MPDZ: variants seen among roughly 807,000 people sequenced by gnomAD.
MPDZ encodes the protein multiple PDZ domain crumbs cell polarity complex component, also known as multiple PDZ domain protein.
Under a neutral mutation model 239.1 loss-of-function variants are expected in MPDZ, and 234 were observed. That is an observed-to-expected ratio of 0.98 (90% CI 0.88 to 1.09). MPDZ has a LOEUF of 1.09. MPDZ is among the 50% of genes least tolerant of loss of function. The probability of loss-of-function intolerance (pLI) is 0.00; values close to 1 mark genes in which losing one functional copy is unlikely to be tolerated. For synonymous variants in MPDZ, 1,048 were observed against 881.3 expected, an observed-to-expected ratio of 1.19 and a Z score of -3.35; for missense variants, 3,175 against 2,510.0, an observed-to-expected ratio of 1.26 and a Z score of -5.66.
chr9:13,222,867 CCCCAACTGGGGATCACATCCATAGATT>C (rs1389016763), intron 5 of MPDZ, among the ~76,000 whole-genome samples: 7 of 147,970 alleles, frequency 4.7e-5, no homozygotes, highest in Non-Finnish European at 1.0e-4. Context: ...TAGATTAGAT[CCCCAACTGGGGATCACATCCATAGATT>C]AGATCCCCAA....
intron 1 of MPDZ, among the ~76,000 whole-genome samples, chr9:13,252,201 A>G (rs1253617473): frequency 1.3e-5 from 2 of 152,164 alleles, no homozygotes; most frequent in Non-Finnish European, 2.9e-5. Context: ...TACAAGGAGA[A>G]TATGATACTC....
intron 44 of MPDZ, among the ~76,000 whole-genome samples, 178 bp downstream of exon 44, chr9:13,110,458 T>C (rs1351119117): frequency 3.3e-5 from 5 of 152,196 alleles, no homozygotes; most frequent in Non-Finnish European, 7.3e-5. Context: ...GAGTAAAATG[T>C]TACAAAATAT....
chr9:13,203,555 G>C (rs1028836481), intron 12 of MPDZ, among the ~76,000 whole-genome samples: 2 of 152,058 alleles, frequency 1.3e-5, no homozygotes, highest in Non-Finnish European at 2.9e-5. Context: ...ACTTGTCCAG[G>C]CTTGCACGAT....
Position 13,176,294 on chromosome 9 carries a change from G to A in MPDZ, c.2773C>T (p.Pro925Ser). The A allele has an allele frequency of 6.2e-7, 1 of 1,610,358 alleles. No homozygotes were observed. The highest frequency in any genetic ancestry group is 8.5e-7 in the Non-Finnish European group (1 of 1,178,144). ...TCATTTATAGTAAAGCCAGAAGCAG[G>A]CCCCATACTTATGTCCACCGAAGGT... is the stretch of plus-strand genomic sequence containing the variant. Reference protein sequence around the residue: ...NTPSVDISMGPASGFTINDYT... With the variant: ...NTPSVDISMGSASGFTINDYT... The change falls in exon 20 of 47, where the codon CCT (proline) becomes TCT (serine). Residue 925 changes from proline (P) to serine (S), a missense_variant. Pro to Ser is a moderately conservative substitution (Grantham distance 74, BLOSUM62 -1). Coordinates refer to ENST00000319217, the MANE Select transcript of MPDZ (RefSeq NM_001378778.1).
At chr9:13,279,090 C>G (rs1317130427) in intron 1 of MPDZ, 3 of 152,096 alleles carry the variant, frequency 2.0e-5, no homozygotes, top group African/African-American at 7.2e-5. Flanking sequence ...CTAGGATTAT[C>G]CACCGCGGGG....
intron 23 of MPDZ, among the ~76,000 whole-genome samples, chr9:13,160,953 C>T (rs1950412873): frequency 7.0e-6 from 1 of 143,802 alleles, no homozygotes; most frequent in Admixed American, 7.2e-5. Context: ...GGAGAATGTG[C>T]ATAGGTTATG....
intron 3 of MPDZ, among the ~76,000 whole-genome samples, chr9:13,239,187 C>T (rs1964785566): frequency 6.6e-6 from 1 of 152,162 alleles, no homozygotes; most frequent in African/African-American, 2.4e-5. Flanking sequence ...TTAGACCACG[C>T]TGCCACAATC....
At chr9:13,182,935 T>C (rs1043785399) in intron 19 of MPDZ, among the ~76,000 whole-genome samples, 6 of 152,184 alleles carry the variant, frequency 3.9e-5, no homozygotes, top group African/African-American at 1.4e-4. Flanking sequence ...ATTTTTTATG[T>C]AAAGTATTCT....
In MPDZ at chr9:13,123,176, C is replaced by T. The variant is rs764834512; in HGVS notation, c.4930G>A (p.Val1644Ile). The change falls in exon 36 of 47, where the codon GTT becomes ATT. Residue 1644 changes from valine to isoleucine, a missense_variant. Coordinates refer to ENST00000319217, the MANE Select transcript of MPDZ (RefSeq NM_001378778.1). ...ACCAGCAGCGTGTCTGAACCCCCAACGATGCTCAGGCCCAGCCCTGTTCGC... is the reference window on the plus strand; with the variant it reads ...ACCAGCAGCGTGTCTGAACCCCCAATGATGCTCAGGCCCAGCCCTGTTCGC... ...KGRTGLGLSI[V>I]GGSDTLLGAI... 17 of 1,612,472 alleles carry T rather than the reference C, an allele frequency of 1.1e-5. No homozygotes were observed. Among genetic ancestry groups the T allele is most frequent in the South Asian group, 2.2e-5 (2 of 91,008 alleles).
chr9:13,137,752 T>C (rs1341972770), intron 29 of MPDZ, among the ~76,000 whole-genome samples: 1 of 152,194 alleles, frequency 6.6e-6, no homozygotes, highest in African/African-American at 2.4e-5. Flanking sequence ...TACACAGTCA[T>C]GACCTTTTAA....
At chr9:13,121,618 C>G in intron 38 of MPDZ, 121 bp downstream of exon 38, 1 of 995,722 alleles carries the variant, frequency 1.0e-6, no homozygotes, top group Non-Finnish European at 1.5e-6. Context: ...AGGGGGCTAA[C>G]AACAGCTACC....
intron 7 of MPDZ, 58 bp downstream of exon 7, chr9:13,221,314 A>T: frequency 6.9e-7 from 1 of 1,449,644 alleles, no homozygotes; most frequent in East Asian, 2.4e-5. Flanking sequence ...AAAAAATGTA[A>T]AAGATGTACC....
At chr9:13,227,320 T>C (rs548949288) in intron 3 of MPDZ, among the ~76,000 whole-genome samples, 5 of 152,252 alleles carry the variant, frequency 3.3e-5, no homozygotes, top group East Asian at 1.9e-4. Flanking sequence ...TTAAAATCTA[T>C]AGCAGGCATG....
chr9:13,240,308 C>A (rs1342389088), intron 3 of MPDZ, among the ~76,000 whole-genome samples: 1 of 151,914 alleles, frequency 6.6e-6, no homozygotes, highest in African/African-American at 2.4e-5. Context: ...CCACTATTAT[C>A]TTTAACCAGA....
At position 13,126,562 on chromosome 9, in the gene MPDZ, A is replaced by G. The variant is rs1563853900; in HGVS notation, c.4586T>C (p.Ile1529Thr). 6.3e-7 allele frequency: 1 copy of G among 1,590,078 alleles called. No homozygotes were observed. The highest frequency in any genetic ancestry group is 2.3e-5 in the East Asian group (1 of 44,184). Residue 1529 changes from isoleucine (I) to threonine (T), a missense_variant, in exon 34 of 47, where the codon ATA (isoleucine) becomes ACA (threonine). Coordinates refer to ENST00000319217, the MANE Select transcript of MPDZ (RefSeq NM_001378778.1). Reference protein sequence around the residue: ...TDGRLKVGDQILAVDDEIVVG... With the variant: ...TDGRLKVGDQTLAVDDEIVVG... ...AACAATTTCATCATCTACAGCCAGT[A>G]TCTGATCTCCGACTTTGAGTCGTCC...
rs1452571116 is a variant in MPDZ at position 13,168,311 on chromosome 9, A to T, written c.3254+55T>A. 8 of 1,503,804 alleles carry T rather than the reference A, an allele frequency of 5.3e-6. No homozygotes were observed. In the African/African-American group the frequency reaches 8.3e-5, roughly 16 times the overall value. 93.2% of individuals were successfully genotyped at this position (1,503,804 alleles called of 1,614,324 possible). Reference sequence around the variant, plus strand: ...AAGTGAATACTGAAAAAGAATTCTGATTAATTGAAATTCCTGAATTTCCCA... The same window carrying T: ...AAGTGAATACTGAAAAAGAATTCTGTTTAATTGAAATTCCTGAATTTCCCA... On this transcript the variant is annotated intron_variant, in intron 22 of 46. Transcript: ENST00000319217.
At chr9:13,175,369 T>C (rs1477375695) in intron 21 of MPDZ, among the ~76,000 whole-genome samples, 1 of 152,194 alleles carries the variant, frequency 6.6e-6, no homozygotes, top group Non-Finnish European at 1.5e-5. Flanking sequence ...AACTGACTTA[T>C]ACATCACTGG....
intron 39 of MPDZ, among the ~76,000 whole-genome samples, chr9:13,118,649 C>A (rs1943870187): frequency 6.6e-6 from 1 of 152,178 alleles, no homozygotes; most frequent in Admixed American, 6.5e-5. Context: ...AGGAGATAAG[C>A]ATTGCCTATT....
intron 26 of MPDZ, among the ~76,000 whole-genome samples, chr9:13,144,357 G>A (rs528369345): frequency 7.2e-5 from 11 of 151,952 alleles, no homozygotes; most frequent in South Asian, 6.2e-4. Flanking sequence ...TGTTAGAGTT[G>A]AAAATACATA....
Sources: gnomAD v4.1 joint callset for allele counts (sites outside exome capture counted in the v4.1 genomes callset) on GRCh38, gnomAD v4.1.1 for gene constraint, MANE v1.5 for transcripts, NCBI Gene and HGNC (gene_info 2026-07-23, HGNC 2026-07-21) for gene names.